The following SMARCA2 variants were observed in gnomAD, a reference collection of about 807,000 sequenced individuals.
SMARCA2 encodes SWI/SNF related BAF chromatin remodeling complex subunit ATPase 2.
Under a neutral mutation model 199.8 loss-of-function variants are expected in SMARCA2, and 61 were observed. The ratio of observed to expected loss-of-function variants is 0.31; its 90% confidence interval spans 0.25 to 0.38. The LOEUF is 0.38. Ranked by LOEUF, SMARCA2 falls within the 10% of genes least tolerant of loss-of-function variation. The pLI is 1.00. For missense variants in SMARCA2, 1,344 were observed against 2,012.2 expected (o/e 0.67, Z 6.35); for synonymous variants, 935 against 732.0 (o/e 1.28, Z -4.48).
intron 17 of SMARCA2, among the ~76,000 whole-genome samples, chr9:2,085,294 A>G (rs1821752222): frequency 6.6e-6 from 1 of 152,180 alleles, no homozygotes; most frequent in Non-Finnish European, 1.5e-5. Context: ...AAAAAAATTC[A>G]TCTTGTGTCT....
intron 27 of SMARCA2, among the ~76,000 whole-genome samples, chr9:2,131,166 A>T (rs1386214138): frequency 6.6e-6 from 1 of 152,324 alleles, no homozygotes; most frequent in East Asian, 1.9e-4. Context: ...ATTCTAGCTT[A>T]TGTGCTCTGG....
At chr9:2,155,720 CTTTTT>C (rs59156319) in intron 27 of SMARCA2, among the ~76,000 whole-genome samples, 2 of 53,152 alleles carry the variant, frequency 3.8e-5, no homozygotes, top group African/African-American at 6.5e-5. Context: ...AAGAGAAAAC[CTTTTT>C]TTTTTTTTTT....
chr9:2,021,860 T>C (rs1344039669), intron 1 of SMARCA2: 1 of 150,614 alleles, frequency 6.6e-6, no homozygotes, highest in Non-Finnish European at 1.5e-5. Context: ...CTTGAGCTGA[T>C]GGGGTAGATA....
chr9:2,108,647 C>A (rs531273928), intron 23 of SMARCA2, among the ~76,000 whole-genome samples: 1 of 152,178 alleles, frequency 6.6e-6, no homozygotes, highest in South Asian at 2.1e-4. Context: ...ATATGTGAAC[C>A]ATTAATACAT....
intron 32 of SMARCA2, among the ~76,000 whole-genome samples, chr9:2,186,566 T>TTAGCTCACTGCAACCTCCACCTCCCAG (rs371572185): frequency 6.6e-5 from 10 of 152,120 alleles, no homozygotes; most frequent in Non-Finnish European, 1.0e-4. Flanking sequence ...TGGCATGATC[T>TTAGCTCACTGCAACCTCCACCTCCCAG]TAGCTCACTG....
chr9:2,146,208 G>A (rs1043916728), intron 27 of SMARCA2, among the ~76,000 whole-genome samples: 18 of 152,250 alleles, frequency 1.2e-4, no homozygotes, highest in African/African-American at 4.1e-4. Context: ...CATGGTAGAA[G>A]GGACATGGGA....
chr9:2,180,819 G>A (rs891345140), intron 29 of SMARCA2, among the ~76,000 whole-genome samples: 2 of 152,132 alleles, frequency 1.3e-5, no homozygotes, highest in Non-Finnish European at 2.9e-5. Context: ...TATAGAACCT[G>A]CTTTCAAATA....
intron 10 of SMARCA2, among the ~76,000 whole-genome samples, chr9:2,071,293 A>T (rs35894369): frequency 1.3e-5 from 2 of 152,242 alleles, no homozygotes; most frequent in African/African-American, 4.8e-5. Flanking sequence ...AACCTCTTGA[A>T]CAATAAATGT....
Position 2,151,649 on chromosome 9 carries a change from C to G in SMARCA2, c.3982-10037C>G, listed in dbSNP as rs572754692. On this transcript the variant is annotated intron_variant, in intron 27 of 33. Transcript: ENST00000349721. Reference sequence around the variant, plus strand: ...TTGGGAGGCTGAGACATGAGAATCTCTTGAACCCAGGAGGTGGAGGTTGCA... The same window carrying G: ...TTGGGAGGCTGAGACATGAGAATCTGTTGAACCCAGGAGGTGGAGGTTGCA... 3.3e-5 allele frequency among the ~76,000 whole-genome samples: 5 copies of G among 152,230 alleles called. No homozygotes were observed. The South Asian group carries it at 1.0e-3, about 32-fold the overall frequency.
chr9:2,105,395 G>A (rs1822708233), intron 23 of SMARCA2, among the ~76,000 whole-genome samples: 1 of 150,300 alleles, frequency 6.7e-6, no homozygotes, highest in Non-Finnish European at 1.5e-5. Context: ...ACAGGCATGT[G>A]CCACCACGCC....
Position 2,170,587 on chromosome 9 carries a change from T to C in SMARCA2, c.4253+115T>C. 2 of 1,543,604 alleles carry C rather than the reference T, an allele frequency of 1.3e-6. No homozygotes were observed. The highest frequency in any genetic ancestry group is 1.2e-5 in the South Asian group (1 of 84,660). ...GCAAATTTCTTCGGTCACCTCCTGA[T>C]CACCCCTACTTGGAGAGCGGGATAG... On this transcript the variant is annotated intron_variant, in intron 29 of 33. Coordinates refer to ENST00000349721, the MANE Select transcript of SMARCA2 (RefSeq NM_003070.5). This position sits in a 1 kb window ranked among gnomAD's most constrained non-coding sequence, Gnocchi z 4.7.
chr9:2,033,195 G>T, intron 3 of SMARCA2, 114 bp downstream of exon 3: 5 of 1,201,698 alleles, frequency 4.2e-6, no homozygotes, highest in Non-Finnish European at 5.8e-6. Flanking sequence ...GTTGAACCTA[G>T]TAGGTTTCTT....
chr9:2,179,612 C>CCTTAGAGCT (rs977715813), intron 29 of SMARCA2, among the ~76,000 whole-genome samples: 21 of 152,244 alleles, frequency 1.4e-4, no homozygotes, highest in African/African-American at 5.1e-4. Flanking sequence ...TAGCCTTACC[C>CCTTAGAGCT]CTTAGAGCTT....
At chr9:2,068,341 G>A (rs933361822) in intron 9 of SMARCA2, among the ~76,000 whole-genome samples, 6 of 152,026 alleles carry the variant, frequency 3.9e-5, no homozygotes, top group African/African-American at 1.5e-4. Flanking sequence ...TAACCAAAGG[G>A]AGCATTTTAT....
intron 26 of SMARCA2, among the ~76,000 whole-genome samples, chr9:2,121,646 A>G (rs1443517494): frequency 6.6e-6 from 1 of 152,190 alleles, no homozygotes; most frequent in African/African-American, 2.4e-5. Flanking sequence ...AATTAATGCA[A>G]ACTTATTATT....
At chr9:2,122,783 A>G (rs544558175) in intron 26 of SMARCA2, among the ~76,000 whole-genome samples, 1 of 152,240 alleles carries the variant, frequency 6.6e-6, no homozygotes, top group Non-Finnish European at 1.5e-5. Context: ...ACAATGATTG[A>G]TGGTCCATTT....
Position 2,119,899 on chromosome 9 carries a change from G to A in SMARCA2, c.3762+364G>A, listed in dbSNP as rs916843514. Among the ~76,000 whole-genome samples, 7 of 152,108 alleles carry A rather than the reference G, an allele frequency of 4.6e-5. No individual in the cohort carries two copies. The highest frequency in any genetic ancestry group is 6.5e-5 in the Admixed American group (1 of 15,274). On this transcript the variant is annotated intron_variant, in intron 26 of 33. Transcript: ENST00000349721. This position sits in a 1 kb window ranked among gnomAD's most constrained non-coding sequence, Gnocchi z 4.6. ...TCGCGGTCTACAGCTTACCATAGAC[G>A]CCCTCCTGTTCCCAGTTCGTTTCTA...
chr9:2,137,595 C>A (rs1022365682), intron 27 of SMARCA2, among the ~76,000 whole-genome samples: 1 of 152,188 alleles, frequency 6.6e-6, no homozygotes, highest in African/African-American at 2.4e-5. Context: ...TAGCCCCTGG[C>A]AACAAGTCAT....
intron 24 of SMARCA2, among the ~76,000 whole-genome samples, chr9:2,113,065 A>G (rs756784273): frequency 1.3e-5 from 2 of 152,186 alleles, no homozygotes; most frequent in Non-Finnish European, 2.9e-5. Context: ...GAAAATTGTG[A>G]AGGTCTTTGT....
Sources: gnomAD v4.1 joint callset for allele counts (sites outside exome capture counted in the v4.1 genomes callset) on GRCh38, gnomAD v4.1.1 for gene constraint, Gnocchi (gnomAD v3.1) non-coding constraint, MANE v1.5 for transcripts, NCBI Gene and HGNC (gene_info 2026-07-23, HGNC 2026-07-21) for gene names.